KLC1: variants seen among roughly 807,000 people sequenced by gnomAD.
The protein encoded by KLC1 is kinesin light chain 1.
KLC1 carries 30 observed loss-of-function variants against 84.2 expected under a neutral mutation model. The ratio of observed to expected loss-of-function variants is 0.36; its 90% CI spans 0.27 to 0.48. The LOEUF (loss-of-function observed/expected upper bound fraction) is 0.48. Among genes scored for constraint, KLC1 ranks in the 20% least tolerant of loss-of-function variants. The pLI, the probability that KLC1 is intolerant of heterozygous loss-of-function variation, is 0.99. For missense variants in KLC1, 499 were observed against 805.4 expected, an observed-to-expected ratio of 0.62 and a Z score of 4.60; for synonymous variants, 289 against 293.3, an observed-to-expected ratio of 0.99 and a Z score of 0.15.
intron 3 of KLC1, among the ~76,000 whole-genome samples, chr14:103,658,158 T>C (rs913943454): frequency 1.3e-5 from 2 of 152,200 alleles, no homozygotes; most frequent in Non-Finnish European, 2.9e-5. Flanking sequence ...CCCCTGGCCC[T>C]CTGGACACCA....
chr14:103,657,612 G>A lies in KLC1; in HGVS notation c.328G>A (p.Val110Ile). 1 of 1,614,192 alleles carries A rather than the reference G, an allele frequency of 6.2e-7. No homozygotes were observed. The highest frequency in any genetic ancestry group is 8.5e-7 in the Non-Finnish European group (1 of 1,180,032). ...CGAGAAGCAGAAACTGCGTGCGCAG[G>A]TTCGTCGTCTGTGCCAGGAGAATCA... ...ESEKQKLRAQ[V>I]RRLCQENQWL... The change falls in exon 3 of 17, where the codon GTT becomes ATT. Residue 110 changes from valine (V) to isoleucine (I), a missense_variant. Around this residue, in one of 3 missense-constraint regions of KLC1, gnomAD observed 179 missense variants for 264.2 expected, o/e 0.68. Transcript: ENST00000334553.
chr14:103,656,297 C>T (rs797001536), intron 2 of KLC1, among the ~76,000 whole-genome samples: 1 of 152,264 alleles, frequency 6.6e-6, no homozygotes, highest in African/African-American at 2.4e-5. Context: ...TGGACACTGG[C>T]CAGTGGGTGA....
chr14:103,654,672 A>G lies in KLC1; in HGVS notation c.108A>G (p.Glu36=). Reference sequence around the variant, plus strand: ...CAAAGCAAGTAATTCAGGGGCTGGAAGCTTTGAAGAATGAGCACAATTCCA... The same window carrying G: ...CAAAGCAAGTAATTCAGGGGCTGGAGGCTTTGAAGAATGAGCACAATTCCA... ...SKTKQVIQGL[E]ALKNEHNSIL... is the part of the protein sequence containing the mutation. The change falls in exon 2 of 17, where the codon GAA becomes GAG. Residue 36 remains glutamate (E), a synonymous_variant. Coordinates refer to ENST00000334553, the MANE Select transcript of KLC1 (RefSeq NM_001394837.1). The G allele has an allele frequency of 6.2e-7, 1 of 1,614,232 alleles. No individual in the cohort carries two copies. Among genetic ancestry groups the G allele is most frequent in the East Asian group, 2.2e-5 (1 of 44,888 alleles).
chr14:103,637,010 G>A (rs1198167145), intron 1 of KLC1, among the ~76,000 whole-genome samples: 8 of 149,948 alleles, frequency 5.3e-5, no homozygotes, highest in East Asian at 2.0e-4. Context: ...ATTAACAGGC[G>A]TGAGCCACCA....
At position 103,663,039 on chromosome 14, in the gene KLC1, C is replaced by A. The variant is rs137866664; in HGVS notation, c.797+112C>A. The A allele has an allele frequency of 8.0e-4, 530 of 660,764 alleles. 2 individuals carry two copies. The African/African-American group carries it at 9.2e-3, about 12-fold the overall frequency. The allele number at this position is 660,764 out of a possible 1,614,324, so 40.9% of individuals were successfully genotyped here. ...TGTATAAACTATTTTTCAACCATAT[C>A]CACTTCTCTTTAAACAGGGGTTAAA... On this transcript the variant is annotated intron_variant, in intron 5 of 16. Coordinates refer to ENST00000334553, the MANE Select transcript of KLC1 (RefSeq NM_001394837.1).
At chr14:103,652,612 C>T in intron 1 of KLC1, among the ~76,000 whole-genome samples, 1 of 152,186 alleles carries the variant, frequency 6.6e-6, no homozygotes, top group Admixed American at 6.5e-5. Context: ...CTGCCTCAGC[C>T]TCCTGAGTAG....
chr14:103,641,731 C>G (rs1415815317), intron 1 of KLC1, among the ~76,000 whole-genome samples: 1 of 151,840 alleles, frequency 6.6e-6, no homozygotes, highest in Middle Eastern at 3.2e-3. Flanking sequence ...GCCTCCCAGG[C>G]TCAATTCATC....
chr14:103,679,192 C>G, intron 12 of KLC1, 192 bp from the exon 13 acceptor site: 1 of 671,902 alleles, frequency 1.5e-6, no homozygotes, highest in Non-Finnish European at 2.5e-6. Context: ...CACTGTTCCT[C>G]TGAGGGGTCC....
At chr14:103,676,519 G>A (rs1472346294) in intron 11 of KLC1, among the ~76,000 whole-genome samples, 2 of 152,148 alleles carry the variant, frequency 1.3e-5, no homozygotes, top group Non-Finnish European at 2.9e-5. Context: ...ACCCGCCTCG[G>A]CCTCCCAAAG....
intron 13 of KLC1, chr14:103,679,759 C>G: frequency 1.9e-6 from 1 of 521,920 alleles, no homozygotes; most frequent in Non-Finnish European, 3.4e-6. Context: ...AGCTGTTTGG[C>G]TTAACTTTGA....
chr14:103,681,226 C>G (rs929792442), intron 13 of KLC1, among the ~76,000 whole-genome samples: 3 of 152,124 alleles, frequency 2.0e-5, no homozygotes, highest in African/African-American at 4.8e-5. Flanking sequence ...GGTGATCTAC[C>G]AAAACAGTTT....
intron 1 of KLC1, among the ~76,000 whole-genome samples, chr14:103,634,526 G>C (rs2076912738): frequency 6.6e-6 from 1 of 152,252 alleles, no homozygotes; most frequent in Non-Finnish European, 1.5e-5. Flanking sequence ...TGGAGGTAAA[G>C]ATTCCAGAGA....
At position 103,694,298 on chromosome 14, in the gene KLC1, C is replaced by T. The variant is rs1200860692; in HGVS notation, c.1848+1873C>T. 12 of 965,864 alleles carry T rather than the reference C, an allele frequency of 1.2e-5. No homozygotes were observed. Among genetic ancestry groups the T allele is most frequent in the Non-Finnish European group, 1.5e-5 (12 of 816,988 alleles). 59.8% of individuals were successfully genotyped at this position (965,864 alleles called of 1,614,324 possible). ...ACGGAGTCTAACTCTGTTGCCCAGG[C>T]TGGAGCGCAGTGGCCCAATCTCGGC... On this transcript the variant is annotated intron_variant, in intron 15 of 16. Transcript: ENST00000334553. The surrounding 1 kb of genome is among the most constrained non-coding windows in gnomAD (Gnocchi z 4.5).
intron 1 of KLC1, among the ~76,000 whole-genome samples, chr14:103,632,340 C>T (rs574253327): frequency 2.0e-4 from 30 of 152,054 alleles, no homozygotes; most frequent in African/African-American, 6.8e-4. Flanking sequence ...GAAGGAGAAT[C>T]GCTTGAACCG....
rs2082311041 is a variant in KLC1, at chr14:103,694,526, A to G, written c.1848+2101A>G. Reference sequence around the variant, plus strand: ...ACTCTGACAGGAACCTTTTCAAATCAATGCTGAGGCTGTATTTCTTAGCCG... The same window carrying G: ...ACTCTGACAGGAACCTTTTCAAATCGATGCTGAGGCTGTATTTCTTAGCCG... On this transcript the variant is annotated intron_variant, in intron 15 of 16. Coordinates refer to ENST00000334553, the MANE Select transcript of KLC1 (RefSeq NM_001394837.1). This position sits in a 1 kb window ranked among gnomAD's most constrained non-coding sequence, Gnocchi z 4.5. The G allele has an allele frequency of 2.0e-6, 2 of 985,366 alleles. No individual in the cohort carries two copies. Among genetic ancestry groups the G allele is most frequent in the Non-Finnish European group, 2.4e-6 (2 of 829,962 alleles). The allele number at this position is 985,366 out of a possible 1,614,324, so 61.0% of individuals were successfully genotyped here. A position where few individuals can be genotyped will look rare whatever the true frequency, so the allele number is the denominator to read the frequency against.
chr14:103,631,863 T>G (rs1462016476), intron 1 of KLC1, among the ~76,000 whole-genome samples: 2 of 152,012 alleles, frequency 1.3e-5, no homozygotes, highest in Non-Finnish European at 2.9e-5. Flanking sequence ...CCTCCCAAAG[T>G]GCTAGGGTTA....
At chr14:103,674,974 C>G (rs1398382318) in intron 9 of KLC1, among the ~76,000 whole-genome samples, 1 of 152,082 alleles carries the variant, frequency 6.6e-6, no homozygotes, top group Non-Finnish European at 1.5e-5. Flanking sequence ...TAGACTTTTT[C>G]CTCCAGTGTG....
intron 3 of KLC1, among the ~76,000 whole-genome samples, chr14:103,659,665 G>A (rs1395282685): frequency 3.3e-5 from 5 of 152,126 alleles, no homozygotes; most frequent in Admixed American, 3.3e-4. Context: ...TACTAGAGAG[G>A]TGCACATTTG....
Position 103,687,210 on chromosome 14 carries a change from G to C in KLC1, c.1780G>C (p.Gly594Arg). The C allele has an allele frequency of 6.5e-7, 1 of 1,541,878 alleles. No homozygotes were observed. ...SSRESEPKNPGMKRASSLNVL... is the reference protein window; with the variant it reads ...SSRESEPKNPRMKRASSLNVL... ...ACGAGAGAGTGAGCCAAAGAACCCC[G>C]GGTAACTATCTCTTCCAGCTCTCCC... The change falls in exon 14 of 17, where the codon GGC becomes CGC. Residue 594 changes from glycine (G) to arginine (R), a missense_variant and splice_region_variant. Physicochemically the swap from Gly to Arg is moderately radical, Grantham distance 125. Coordinates refer to ENST00000334553, the MANE Select transcript of KLC1 (RefSeq NM_001394837.1).
Sources: gnomAD v4.1 joint callset for allele counts (sites outside exome capture counted in the v4.1 genomes callset) on GRCh38, gnomAD v4.1.1 for gene constraint, gnomAD v4.1.1 regional missense constraint, Gnocchi (gnomAD v3.1) non-coding constraint, MANE v1.5 for transcripts, NCBI Gene and HGNC (gene_info 2026-07-23, HGNC 2026-07-21) for gene names.